Variants in SNX30 observed in about 807,000 individuals in gnomAD.
SNX30 encodes sorting nexin family member 30.
Under a neutral mutation model 46.4 loss-of-function variants are expected in SNX30, and 24 were observed. That is an observed-to-expected ratio of 0.52 (90% CI 0.37 to 0.73). The LOEUF (loss-of-function observed/expected upper bound fraction) is 0.73. SNX30 is among the 30% of genes least tolerant of loss of function. The pLI is 0.00. For synonymous variants in SNX30, 189 were observed against 211.5 expected (o/e 0.89, Z 0.92); for missense variants, 533 against 555.7 (o/e 0.96, Z 0.41).
At chr9:112,868,683 C>A in intron 8 of SNX30, 101 bp from the exon 9 acceptor site, 2 of 1,234,836 alleles carry the variant, frequency 1.6e-6, no homozygotes, top group Non-Finnish European at 2.4e-6. Flanking sequence ...CAAAGGTAAC[C>A]CAGCAGGATC....
intron 1 of SNX30, among the ~76,000 whole-genome samples, chr9:112,801,267 G>A: frequency 4.2e-5 from 1 of 23,792 alleles, no homozygotes; most frequent in Non-Finnish European, 9.9e-5. Flanking sequence ...TCTCTTGTAG[G>A]CATTTAGTGC....
At chr9:112,758,439 C>G (rs1223284269) in intron 1 of SNX30, among the ~76,000 whole-genome samples, 1 of 152,190 alleles carries the variant, frequency 6.6e-6, no homozygotes, top group Non-Finnish European at 1.5e-5. Flanking sequence ...AAGAGATTCT[C>G]CTGCCTCAGC....
At chr9:112,878,838 C>T (rs905208768), downstream of SNX30, 5 of 152,164 alleles carry the variant, frequency 3.3e-5, no homozygotes, top group African/African-American at 7.2e-5. Context: ...ATTCTGCAGC[C>T]GTGTATTTTA....
intron 1 of SNX30, among the ~76,000 whole-genome samples, chr9:112,781,789 G>A (rs550133711): frequency 3.2e-4 from 48 of 151,476 alleles, no homozygotes; most frequent in African/African-American, 1.1e-3. Flanking sequence ...CCACCACCAC[G>A]CTTGGCTAAT....
At chr9:112,804,997 T>C in intron 2 of SNX30, 30 bp downstream of exon 2, 1 of 1,532,196 alleles carries the variant, frequency 6.5e-7, no homozygotes. Context: ...AATGCCCGTG[T>C]TGAGTGGTCT....
intron 4 of SNX30, among the ~76,000 whole-genome samples, chr9:112,831,579 T>G (rs1194932936): frequency 6.6e-6 from 1 of 152,204 alleles, no homozygotes; most frequent in African/African-American, 2.4e-5. Context: ...TTGTCCTTGT[T>G]CAGGTAGCGT....
rs902034921 is a variant in SNX30, at chr9:112,880,009, C to T, written n.3361C>T. ...TGCTAGCTAAAAGGAGCATGTTGAC[C>T]ATTTGCTTCCCCATTGTTCCTTTAG... is the stretch of plus-strand genomic sequence containing the variant. On this transcript the variant is annotated non_coding_transcript_exon_variant, in exon 5 of 6. Transcript: ENST00000604751. 2.7e-4 allele frequency: 135 copies of T among 501,052 alleles called. No individual in the cohort carries two copies. In the East Asian group the frequency reaches 4.0e-3, roughly 15 times the overall value. The allele number at this position is 501,052 out of a possible 1,614,324, so 31.0% of individuals were successfully genotyped here.
At chr9:112,771,223 G>A (rs1839643927) in intron 1 of SNX30, among the ~76,000 whole-genome samples, 1 of 152,218 alleles carries the variant, frequency 6.6e-6, no homozygotes, top group Admixed American at 6.5e-5. Flanking sequence ...CCTGGTATGG[G>A]TGGAGTATAC....
chr9:112,881,142 A>G (rs2131537971), intron 5 of SNX30, among the ~76,000 whole-genome samples: 1 of 152,318 alleles, frequency 6.6e-6, no homozygotes, highest in African/African-American at 2.4e-5. Context: ...TTAGGTCTGA[A>G]CTGAAGTCCT....
At chr9:112,862,686 G>T (rs1272664441) in intron 7 of SNX30, among the ~76,000 whole-genome samples, 1 of 151,980 alleles carries the variant, frequency 6.6e-6, no homozygotes, top group Non-Finnish European at 1.5e-5. Context: ...AGGATCACTG[G>T]AGGCCAGGAG....
At chr9:112,824,282 A>T (rs1840548146) in intron 3 of SNX30, among the ~76,000 whole-genome samples, 1 of 152,192 alleles carries the variant, frequency 6.6e-6, no homozygotes, top group African/African-American at 2.4e-5. Flanking sequence ...TCAGTATTTC[A>T]AGATTAAACC....
At position 112,852,165 on chromosome 9, in the gene SNX30, G is replaced by T. The variant is rs1483209458; in HGVS notation, c.1101+1220G>T. 2.6e-5 allele frequency among the ~76,000 whole-genome samples: 4 copies of T among 152,094 alleles called. No individual in the cohort carries two copies. In the East Asian group the frequency reaches 5.8e-4, roughly 22 times the overall value. On this transcript the variant is annotated intron_variant, in intron 7 of 8. Coordinates refer to ENST00000374232, the MANE Select transcript of SNX30 (RefSeq NM_001012994.2). The stretch of plus-strand genomic sequence containing the variant: ...GGTTGAGGTGGGAGGATCCCTTGAG[G>T]CCAGGAGTTAGAGGCTGCAGTGTGT...
chr9:112,853,331 C>T (rs567413999), intron 7 of SNX30, among the ~76,000 whole-genome samples: 162 of 152,298 alleles, frequency 1.1e-3, no homozygotes, highest in African/African-American at 3.5e-3. Flanking sequence ...ACAAGGGAGG[C>T]GACAACAGAA....
chr9:112,853,687 A>G (rs1841069918), intron 7 of SNX30, among the ~76,000 whole-genome samples: 1 of 151,980 alleles, frequency 6.6e-6, no homozygotes, highest in African/African-American at 2.4e-5. Flanking sequence ...AGAAACAGAG[A>G]GTAGAACGGT....
chr9:112,862,328 G>T (rs1330342776), intron 7 of SNX30, among the ~76,000 whole-genome samples: 1 of 152,192 alleles, frequency 6.6e-6, no homozygotes, highest in Non-Finnish European at 1.5e-5. Context: ...GTTTCGTTAA[G>T]CAAACAGGAA....
chr9:112,860,709 G>T (rs1841211517), intron 7 of SNX30, among the ~76,000 whole-genome samples: 1 of 152,192 alleles, frequency 6.6e-6, no homozygotes, highest in African/African-American at 2.4e-5. Context: ...GGGTGGAGTA[G>T]CATTGGCAAA....
chr9:112,794,648 A>G lies in SNX30; in HGVS notation c.157-10128A>G, dbSNP rs189361919. 2.1e-4 allele frequency among the ~76,000 whole-genome samples: 32 copies of G among 152,336 alleles called. 1 individual carries two copies. The highest frequency in any genetic ancestry group is 7.2e-4 in the African/African-American group (30 of 41,570). ...CAATAGAATCAAAAAGAGAAATTAG[A>G]TTGTTTTAGCATAACTTATTTTTAT... is the stretch of plus-strand genomic sequence containing the variant. On this transcript the variant is annotated intron_variant, in intron 1 of 8. Transcript: ENST00000374232.
chr9:112,885,344 G>C (rs1045111978), downstream of SNX30: 2 of 151,832 alleles, frequency 1.3e-5, no homozygotes, highest in African/African-American at 4.8e-5. Flanking sequence ...CTGATCTGTA[G>C]AGTCCTCATG....
At chr9:112,758,188 C>T (rs1299902725) in intron 1 of SNX30, among the ~76,000 whole-genome samples, 1 of 152,146 alleles carries the variant, frequency 6.6e-6, no homozygotes, top group Non-Finnish European at 1.5e-5. Context: ...GAGTCTAAGG[C>T]TGACTGAGGG....
Sources: allele counts gnomAD v4.1 joint callset (sites outside exome capture counted in the v4.1 genomes callset), GRCh38; gene constraint gnomAD v4.1.1; transcripts MANE v1.5; gene names NCBI Gene and HGNC (gene_info 2026-07-23, HGNC 2026-07-21).